Variants in MRPL1 observed in about 807,000 individuals in gnomAD.
The protein encoded by MRPL1 is mitochondrial ribosomal protein L1.
MRPL1 carries 28 observed loss-of-function variants against 38.0 expected under a neutral mutation model. The observed-to-expected ratio is 0.74, with a 90% CI of 0.55 to 1.01. The LOEUF is 1.01. Among genes scored for constraint, MRPL1 ranks in the 50% least tolerant of loss-of-function variants. The pLI, the probability that MRPL1 is intolerant of heterozygous loss-of-function variation, is 0.00. For synonymous variants in MRPL1, 123 were observed against 126.7 expected, an observed-to-expected ratio of 0.97 and a Z score of 0.20; for missense variants, 358 against 389.8, an observed-to-expected ratio of 0.92 and a Z score of 0.69.
chr4:77,924,209 A>G (rs1351029456), intron 7 of MRPL1, among the ~76,000 whole-genome samples: 2 of 113,636 alleles, frequency 1.8e-5, no homozygotes, highest in African/African-American at 4.0e-5. Flanking sequence ...TTTTGCATCT[A>G]TAGTTATTGG....
intron 5 of MRPL1, among the ~76,000 whole-genome samples, chr4:77,888,522 A>G (rs1206415885): frequency 6.6e-6 from 1 of 152,116 alleles, no homozygotes; most frequent in Non-Finnish European, 1.5e-5. Flanking sequence ...AAATAAATAA[A>G]ATAAATAAAC....
At chr4:77,894,360 GT>G in intron 6 of MRPL1, 110 bp downstream of exon 6, 1 of 643,140 alleles carries the variant, frequency 1.6e-6, no homozygotes, top group Non-Finnish European at 2.6e-6. Flanking sequence ...GTATGTCCTG[GT>G]ATTTGAGTTT....
intron 7 of MRPL1, among the ~76,000 whole-genome samples, chr4:77,946,672 C>T (rs1018573106): frequency 6.6e-6 from 1 of 152,186 alleles, no homozygotes; most frequent in Non-Finnish European, 1.5e-5. Context: ...ATGGCTCCAG[C>T]CAGTCCCTCC....
At chr4:77,863,926 A>G (rs116298620) in intron 1 of MRPL1, among the ~76,000 whole-genome samples, 7,537 of 151,900 alleles carry the variant, frequency 0.05, 229 homozygotes, top group African/African-American at 0.082. Context: ...TCATATAACT[A>G]GTAAATGGCA....
At chr4:77,901,070 A>G (rs1232911743) in intron 6 of MRPL1, among the ~76,000 whole-genome samples, 1 of 152,196 alleles carries the variant, frequency 6.6e-6, no homozygotes, top group East Asian at 1.9e-4. Flanking sequence ...TATTTTAACT[A>G]TAAATGCACA....
At chr4:77,884,514 C>T (rs1275863690) in intron 3 of MRPL1, among the ~76,000 whole-genome samples, 3 of 152,160 alleles carry the variant, frequency 2.0e-5, no homozygotes, top group Non-Finnish European at 4.4e-5. Flanking sequence ...GTTTAGTGGT[C>T]CTGTAAAATC....
intron 2 of MRPL1, among the ~76,000 whole-genome samples, chr4:77,874,944 G>A (rs2110230921): frequency 6.6e-6 from 1 of 151,812 alleles, no homozygotes; most frequent in Non-Finnish European, 1.5e-5. Flanking sequence ...ACAACGCCCG[G>A]CTAATTTTTT....
At position 77,887,223 on chromosome 4, in the gene MRPL1, G is replaced by T. The variant is rs1471426034; in HGVS notation, c.490G>T (p.Ala164Ser). 6.2e-7 allele frequency: 1 copy of T among 1,611,492 alleles called. No individual in the cohort carries two copies. The highest frequency in any genetic ancestry group is 1.1e-5 in the South Asian group (1 of 91,048). Residue 164 changes from alanine to serine, a missense_variant, in exon 5 of 9, where the codon GCA becomes TCA. Coordinates refer to ENST00000315567, the MANE Select transcript of MRPL1 (RefSeq NM_020236.4). ...INKVAVFTEN[A>S]SEVKIAEENG... ...TCAAATTATTGTGTTTTGGTAGAAT[G>T]CATCAGAGGTCAAAATAGCGGAAGA...
rs370423681 is a variant in MRPL1 at position 77,901,169 on chromosome 4, T to C, written c.670+6919T>C. Among the ~76,000 whole-genome samples the C allele has an allele frequency of 3.5e-4, 53 of 152,226 alleles. 1 individual carries two copies. The East Asian group carries it at 9.4e-3, about 27-fold the overall frequency. ...AAGCTGGCGCAACTTTATTTTGTATTAACATGAAGCATTAACAGTATTAAT... is the reference window on the plus strand; with the variant it reads ...AAGCTGGCGCAACTTTATTTTGTATCAACATGAAGCATTAACAGTATTAAT... On this transcript the variant is annotated intron_variant, in intron 6 of 8. Transcript: ENST00000315567.
chr4:77,949,763 C>T, intron 7 of MRPL1, 34 bp from the exon 8 acceptor site: 4 of 1,336,458 alleles, frequency 3.0e-6, no homozygotes, highest in Non-Finnish European at 4.2e-6. Flanking sequence ...CTTGCTTTCT[C>T]ATCATTAATG....
intron 7 of MRPL1, among the ~76,000 whole-genome samples, chr4:77,919,849 A>ATG (rs1553906969): frequency 0.04 from 6,014 of 149,412 alleles, 255 homozygotes; most frequent in African/African-American, 0.1. Flanking sequence ...ATATATATAT[A>ATG]TGTGTGTGTG....
chr4:77,905,548 A>G (rs1736140437), intron 6 of MRPL1, among the ~76,000 whole-genome samples: 1 of 151,440 alleles, frequency 6.6e-6, no homozygotes, highest in African/African-American at 2.4e-5. Flanking sequence ...CATTAAACAG[A>G]TGAAATAATA....
At chr4:77,891,941 G>A (rs761290507) in intron 5 of MRPL1, among the ~76,000 whole-genome samples, 5 of 152,148 alleles carry the variant, frequency 3.3e-5, no homozygotes, top group African/African-American at 9.7e-5. Flanking sequence ...AAGTTACCCC[G>A]TGGTGTCTTT....
intron 7 of MRPL1, among the ~76,000 whole-genome samples, chr4:77,937,416 C>T (rs1737012130): frequency 6.6e-6 from 1 of 152,198 alleles, no homozygotes; most frequent in Admixed American, 6.5e-5. Context: ...GTTCTAAGTA[C>T]CTGGCCCCCA....
chr4:77,864,104 T>C lies in MRPL1; in HGVS notation c.31+1225T>C, dbSNP rs188623562. 1.8e-3 allele frequency among the ~76,000 whole-genome samples: 267 copies of C among 151,388 alleles called. 1 individual carries two copies. The highest frequency in any genetic ancestry group is 1.8e-3 in the Non-Finnish European group (122 of 67,858). On this transcript the variant is annotated intron_variant, in intron 1 of 8. Coordinates refer to ENST00000315567, the MANE Select transcript of MRPL1 (RefSeq NM_020236.4). Reference sequence around the variant, plus strand: ...AGAGATAACAACAGACCCTGATGCCTACTTTGTGAGCAAACCAAAATGTAT... The same window carrying C: ...AGAGATAACAACAGACCCTGATGCCCACTTTGTGAGCAAACCAAAATGTAT...
chr4:77,910,399 C>T (rs1009662230), intron 7 of MRPL1, among the ~76,000 whole-genome samples: 4 of 152,130 alleles, frequency 2.6e-5, no homozygotes, highest in Non-Finnish European at 5.9e-5. Context: ...TGAGCTGTGC[C>T]CACTGCAGGT....
intron 4 of MRPL1, among the ~76,000 whole-genome samples, chr4:77,886,607 A>G (rs1350590630): frequency 6.6e-6 from 1 of 151,684 alleles, no homozygotes; most frequent in Non-Finnish European, 1.5e-5. Flanking sequence ...TGCTGAGATT[A>G]CAGGCGTGAG....
intron 6 of MRPL1, among the ~76,000 whole-genome samples, chr4:77,907,888 TTTTC>T (rs1425279122): frequency 2.0e-5 from 3 of 148,300 alleles, no homozygotes; most frequent in African/African-American, 5.1e-5. Flanking sequence ...CTTTCTTTTC[TTTTC>T]TTTTTTTTTT....
intron 7 of MRPL1, among the ~76,000 whole-genome samples, chr4:77,925,346 G>GT (rs1400884737): frequency 1.4e-5 from 2 of 145,726 alleles, no homozygotes; most frequent in Admixed American, 6.9e-5. Context: ...TTTTTTTTTT[G>GT]TTTTTTGTTT....
Sources: allele counts gnomAD v4.1 joint callset (sites outside exome capture counted in the v4.1 genomes callset), GRCh38; gene constraint gnomAD v4.1.1; transcripts MANE v1.5; gene names NCBI Gene and HGNC (gene_info 2026-07-23, HGNC 2026-07-21).